The following DNAH17 variants were observed in gnomAD, a reference collection of about 807,000 sequenced individuals.
The protein encoded by DNAH17 is dynein axonemal heavy chain 17.
DNAH17 carries 376 observed loss-of-function variants against 485.6 expected under a neutral mutation model. That is an observed-to-expected ratio of 0.77 (90% confidence interval 0.71 to 0.84). DNAH17 has a LOEUF of 0.84. Ranked by LOEUF, DNAH17 falls within the 40% of genes least tolerant of loss-of-function variation. DNAH17 has a pLI of 0.00. For synonymous variants in DNAH17, 3,031 were observed against 2,405.9 expected (o/e 1.26, Z -7.60); for missense variants, 6,370 against 5,839.3 (o/e 1.09, Z -2.96).
chr17:78,425,472 T>G lies in DNAH17; in HGVS notation c.13015A>C (p.Met4339Leu). Reference protein sequence around the residue: ...QSFLTAIMQSMARKNEWPLDK... With the variant: ...QSFLTAIMQSLARKNEWPLDK... ...AGGGGCCACTCGTTCTTCCTGGCCA[T>G]GGACTGCATGATGGCCGTGAGGAAC... is the stretch of plus-strand genomic sequence containing the variant. Residue 4339 changes from methionine (M) to leucine (L), a missense_variant, in exon 80 of 81, where the codon ATG becomes CTG. By Grantham distance (15) the Met-to-Leu change is conservative. Coordinates refer to ENST00000389840, the MANE Select transcript of DNAH17 (RefSeq NM_173628.4). 6.2e-7 allele frequency: 1 copy of G among 1,613,894 alleles called. No homozygotes were observed. The highest frequency in any genetic ancestry group is 1.1e-5 in the South Asian group (1 of 91,084).
chr17:78,477,999 CCATCAT>C (rs879224618), intron 51 of DNAH17, among the ~76,000 whole-genome samples: 3 of 115,562 alleles, frequency 2.6e-5, no homozygotes, highest in African/African-American at 5.3e-5. Flanking sequence ...ATCACCACCA[CCATCAT>C]CACCATCATC....
chr17:78,522,516 A>G, intron 25 of DNAH17: 1 of 317,714 alleles, frequency 3.1e-6, no homozygotes, highest in South Asian at 2.8e-5. Context: ...GAGGAGGGAC[A>G]AGACCCTGAA....
Position 78,570,354 on chromosome 17 carries a change from T to G in DNAH17, c.937A>C (p.Lys313Gln), listed in dbSNP as rs2092333712. The change falls in exon 7 of 81, where the codon AAG (lysine) becomes CAG (glutamine). Residue 313 changes from lysine (K) to glutamine (Q), a missense_variant. Transcript: ENST00000389840. The stretch of plus-strand genomic sequence containing the variant: ...ATGAAGCAGATGGTGTCCAGCACCT[T>G]GGCAATGAAGGTGGGGAGCTGGGGG... ...DFTMLPTFIA[K>Q]VLDTICFIWA... 6.2e-7 allele frequency: 1 copy of G among 1,610,752 alleles called. No individual in the cohort carries two copies. Among genetic ancestry groups the G allele is most frequent in the Admixed American group, 1.7e-5 (1 of 59,650 alleles).
chr17:78,571,719 G>A lies in DNAH17; in HGVS notation c.603C>T (p.Ser201=), dbSNP rs2092361060. Residue 201 remains serine, a synonymous_variant, in exon 4 of 81, where the codon TCC becomes TCT. Coordinates refer to ENST00000389840, the MANE Select transcript of DNAH17 (RefSeq NM_173628.4). ...TGCTCAGCACATCCCGGATCTGGTG[G>A]GACCAGTCGATGATGGTGGTTTCAA... The part of the protein sequence containing the change: ...HAIETTIIDW[S]HQIRDVLSKD... 1.2e-6 allele frequency: 2 copies of A among 1,613,320 alleles called. No individual in the cohort carries two copies. The highest frequency in any genetic ancestry group is 2.7e-5 in the African/African-American group (2 of 74,922).
intron 75 of DNAH17, among the ~76,000 whole-genome samples, chr17:78,432,373 C>T (rs1187221421): frequency 1.1e-5 from 1 of 91,608 alleles, no homozygotes; most frequent in Non-Finnish European, 2.2e-5. Context: ...CGGCCGGCAC[C>T]CTGCCCCATC....
rs1199849367 is a variant in DNAH17, at chr17:78,529,653, C to T, written c.3326G>A (p.Gly1109Asp). The T allele has an allele frequency of 6.2e-7, 1 of 1,613,868 alleles. No homozygotes were observed. The highest frequency in any genetic ancestry group is 8.5e-7 in the Non-Finnish European group (1 of 1,179,880). Residue 1109 changes from glycine to aspartate, a missense_variant, in exon 22 of 81, where the codon GGC (glycine) becomes GAC (aspartate). Coordinates refer to ENST00000389840, the MANE Select transcript of DNAH17 (RefSeq NM_173628.4). ...LEAFMKVARM[G>D]LTKPLKEGDY... The stretch of plus-strand genomic sequence containing the variant: ...CCCCTCCTTGAGGGGCTTGGTCAAG[C>T]CCATTCTGGCGACTTTCATGAAGGC...
At position 78,569,266 on chromosome 17, in the gene DNAH17, AAG is replaced by A. The variant is rs779570422; in HGVS notation, c.1198-16_1198-15del. The stretch of plus-strand genomic sequence containing the variant: ...GGGCTCTTTGTCCTTAGAGGAGAGA[AAG>A]AGAGATGAGGCCACGTTTGCTTCAA... On this transcript the variant is annotated splice_polypyrimidine_tract_variant and intron_variant, in intron 8 of 80. Coordinates refer to ENST00000389840, the MANE Select transcript of DNAH17 (RefSeq NM_173628.4). 1.9e-5 allele frequency: 30 copies of A among 1,599,734 alleles called. No individual in the cohort carries two copies. The African/African-American group carries it at 2.3e-4, about 12-fold the overall frequency.
intron 48 of DNAH17, among the ~76,000 whole-genome samples, chr17:78,481,184 C>A (rs2089333732): frequency 6.7e-6 from 1 of 149,048 alleles, no homozygotes; most frequent in Non-Finnish European, 1.5e-5. Context: ...CTCACTGCAA[C>A]CTCCGCCTCC....
chr17:78,475,860 C>G (rs749878758), intron 52 of DNAH17, 27 bp from the exon 53 acceptor site: 2 of 1,605,810 alleles, frequency 1.2e-6, no homozygotes, highest in Admixed American at 3.4e-5. Context: ...AAAGACGATA[C>G]TTCCGGTTTT....
Position 78,425,369 on chromosome 17 carries a change from T to A in DNAH17, c.13118A>T (p.Tyr4373Phe). 1 of 1,613,976 alleles carries A rather than the reference T, an allele frequency of 6.2e-7. No homozygotes were observed. Among genetic ancestry groups the A allele is most frequent in the South Asian group, 1.1e-5 (1 of 91,080 alleles). Residue 4373 changes from tyrosine (Y) to phenylalanine (F), a missense_variant, in exon 80 of 81, where the codon TAC (tyrosine) becomes TTC (phenylalanine). By Grantham distance (22) the Tyr-to-Phe change is conservative (BLOSUM62 3). Coordinates refer to ENST00000389840, the MANE Select transcript of DNAH17 (RefSeq NM_173628.4). ...DMTAPPREGS[Y>F]VYGLFMEGAR... ...ACCTTCCATGAAGAGTCCGTACACG[T>A]AGGAGCCCTCTCGCGGAGGAGCGGT...
At chr17:78,541,601 G>A (rs974439184) in intron 17 of DNAH17, among the ~76,000 whole-genome samples, 1 of 151,998 alleles carries the variant, frequency 6.6e-6, no homozygotes, top group African/African-American at 2.4e-5. Flanking sequence ...TGGTGACAGA[G>A]TTGTGCACAA....
chr17:78,565,705 G>A (rs570466200), intron 11 of DNAH17, among the ~76,000 whole-genome samples: 4 of 152,314 alleles, frequency 2.6e-5, no homozygotes, highest in African/African-American at 9.6e-5. Context: ...TGTAATCCCA[G>A]CACTTTGGGA....
rs2090528734 is a variant in DNAH17 at position 78,507,786 on chromosome 17, C to A, written c.4256G>T (p.Ser1419Ile). The A allele has an allele frequency of 1.3e-6, 2 of 1,573,440 alleles. No individual in the cohort carries two copies. The highest frequency in any genetic ancestry group is 4.6e-5 in the East Asian group (2 of 43,692). Residue 1419 changes from serine to isoleucine, a missense_variant, in exon 28 of 81, where the codon AGT (serine) becomes ATT (isoleucine). Transcript: ENST00000389840. ...CTGGAATTCCATCATGCTCCAGGTACTGTCCAGGGCTTTCAGCACCTTTTG... is the reference window on the plus strand; with the variant it reads ...CTGGAATTCCATCATGCTCCAGGTAATGTCCAGGGCTTTCAGCACCTTTTG... ...GMEKVLKALDSTWSMMEFQHE... is the reference protein window; with the variant it reads ...GMEKVLKALDITWSMMEFQHE...
chr17:78,486,814 G>C (rs935634395), intron 44 of DNAH17, among the ~76,000 whole-genome samples: 2 of 152,098 alleles, frequency 1.3e-5, no homozygotes, highest in African/African-American at 4.8e-5. Context: ...ACATACCAAG[G>C]GCTGGTGGAT....
In DNAH17 at chr17:78,461,537, C is replaced by T. The variant is rs2088126710; in HGVS notation, c.9339+7G>A. 1 of 1,575,032 alleles carries T rather than the reference C, an allele frequency of 6.3e-7. No homozygotes were observed. Among genetic ancestry groups the T allele is most frequent in the Non-Finnish European group, 8.6e-7 (1 of 1,161,128 alleles). On this transcript the variant is annotated splice_region_variant and intron_variant, in intron 58 of 80. Transcript: ENST00000389840. ...TCCTGAAGGCACGCTGGGCTGCCTTCACCTACCTTATTGATGACCTCGACC... is the reference window on the plus strand; with the variant it reads ...TCCTGAAGGCACGCTGGGCTGCCTTTACCTACCTTATTGATGACCTCGACC...
rs138163705 is a variant in DNAH17 at position 78,471,042 on chromosome 17, G to A, written c.8512-2159C>T. ...CTGCCAGTTTCATCCAAGTAGTGAT[G>A]TGTATTTCCAGCGTTTTGGCGATTT... is the stretch of plus-strand genomic sequence containing the variant. On this transcript the variant is annotated intron_variant, in intron 54 of 80. Coordinates refer to ENST00000389840, the MANE Select transcript of DNAH17 (RefSeq NM_173628.4). Among the ~76,000 whole-genome samples the A allele has an allele frequency of 3.0e-3, 458 of 152,328 alleles. 7 individuals carry two copies. The highest frequency in any genetic ancestry group is 0.029 in the East Asian group (149 of 5,192).
At chr17:78,475,253 A>G (rs1196938325) in intron 54 of DNAH17, 25 bp downstream of exon 54, 1 of 1,609,318 alleles carries the variant, frequency 6.2e-7, no homozygotes, top group Admixed American at 1.7e-5. Context: ...CCTGAAAGGC[A>G]GCCTATTGAA....
chr17:78,445,533 A>G, intron 70 of DNAH17, 25 bp downstream of exon 70: 19 of 1,556,880 alleles, frequency 1.2e-5, no homozygotes, highest in Non-Finnish European at 1.7e-5. Context: ...AGAAAGCACA[A>G]CGTGTTCAAC....
chr17:78,537,231 G>A, intron 19 of DNAH17, 68 bp downstream of exon 19: 21 of 1,472,196 alleles, frequency 1.4e-5, no homozygotes, highest in Non-Finnish European at 1.9e-5. Context: ...TGCCGAGTTA[G>A]GGCGGCAACA....
Sources: gnomAD v4.1 joint callset for allele counts (sites outside exome capture counted in the v4.1 genomes callset) on GRCh38, gnomAD v4.1.1 for gene constraint, MANE v1.5 for transcripts, NCBI Gene and HGNC (gene_info 2026-07-23, HGNC 2026-07-21) for gene names.